Variants in ONECUT2 observed in about 807,000 individuals in gnomAD.
ONECUT2 encodes the protein one cut homeobox 2.
Under a neutral mutation model 27.9 loss-of-function variants are expected in ONECUT2, and 10 were observed. The observed-to-expected ratio is 0.36, with a 90% CI of 0.22 to 0.61. The LOEUF is 0.61. ONECUT2 is among the 20% of genes least tolerant of loss of function. The pLI, the probability that ONECUT2 is intolerant of heterozygous loss-of-function variation, is 0.73. For synonymous variants in ONECUT2, 334 were observed against 315.1 expected (o/e 1.06, Z -0.64); for missense variants, 686 against 721.0 (o/e 0.95, Z 0.56).
chr18:57,460,025 C>A (rs112816866), intron 1 of ONECUT2, among the ~76,000 whole-genome samples: 1 of 152,116 alleles, frequency 6.6e-6, no homozygotes, highest in African/African-American at 2.4e-5. Context: ...TGGGCTCAAG[C>A]GATCCTCCTA....
chr18:57,467,332 C>A, intron 1 of ONECUT2: 2 of 359,472 alleles, frequency 5.6e-6, no homozygotes, highest in Non-Finnish European at 5.5e-6. Flanking sequence ...ATTGATCATC[C>A]ACATTTCCTT....
At chr18:57,464,891 C>T (rs2050312131) in intron 1 of ONECUT2, among the ~76,000 whole-genome samples, 1 of 152,112 alleles carries the variant, frequency 6.6e-6, no homozygotes, top group Non-Finnish European at 1.5e-5. Context: ...TCTTAGTAAG[C>T]TAGAGTATGT....
chr18:57,481,911 T>C lies in ONECUT2; in HGVS notation c.*5188T>C, dbSNP rs2050417931. On this transcript the variant is annotated 3_prime_UTR_variant, in exon 2 of 2. Transcript: ENST00000491143. ...GCTGACTTTTTGTTTTTGTTGTTGC[T>C]GATGCTGTGTGATTCAGACTTCTCA... 3 of 152,242 alleles carry C rather than the reference T, an allele frequency of 2.0e-5. No homozygotes were observed. In the East Asian group the frequency reaches 5.8e-4, roughly 29 times the overall value. The allele number at this position is 152,242 out of a possible 1,614,324, so 9.4% of individuals were successfully genotyped here.
At chr18:57,455,306 C>CT (rs1296087633) in intron 1 of ONECUT2, among the ~76,000 whole-genome samples, 4 of 152,314 alleles carry the variant, frequency 2.6e-5, no homozygotes, top group Admixed American at 6.5e-5. Context: ...CCAGATGTTG[C>CT]TTTTTCTGAA....
intron 1 of ONECUT2, among the ~76,000 whole-genome samples, chr18:57,474,538 C>T (rs1373118029): frequency 6.6e-6 from 1 of 152,162 alleles, no homozygotes; most frequent in Non-Finnish European, 1.5e-5. Context: ...AAGACTTTCT[C>T]ACTGTGTCCT....
chr18:57,445,120 C>T (rs898049013), intron 1 of ONECUT2, among the ~76,000 whole-genome samples: 1 of 152,022 alleles, frequency 6.6e-6, no homozygotes, highest in Non-Finnish European at 1.5e-5. Flanking sequence ...AATTAAGCCA[C>T]CAGTTTGCTT....
chr18:57,448,906 C>T (rs540684817), intron 1 of ONECUT2, among the ~76,000 whole-genome samples: 1 of 152,262 alleles, frequency 6.6e-6, no homozygotes, highest in East Asian at 1.9e-4. Flanking sequence ...GCCATAGATC[C>T]CCAAACCTAA....
chr18:57,451,050 A>T (rs2050227421), intron 1 of ONECUT2, among the ~76,000 whole-genome samples: 1 of 152,210 alleles, frequency 6.6e-6, no homozygotes, highest in South Asian at 2.1e-4. Flanking sequence ...GAGTGAGAAC[A>T]GAGTTTATTA....
intron 1 of ONECUT2, among the ~76,000 whole-genome samples, 157 bp from the exon 2 acceptor site, chr18:57,476,280 C>T (rs1468834401): frequency 3.3e-5 from 5 of 152,348 alleles, no homozygotes; most frequent in South Asian, 4.1e-4. Context: ...TTCCATCACC[C>T]GGAGATTACA....
intron 1 of ONECUT2, among the ~76,000 whole-genome samples, chr18:57,453,856 A>G (rs2050244429): frequency 6.6e-6 from 1 of 152,164 alleles, no homozygotes; most frequent in Non-Finnish European, 1.5e-5. Flanking sequence ...TGGAAACAAG[A>G]CATAGGAACA....
chr18:57,488,040 G>A lies in ONECUT2; in HGVS notation c.*11317G>A, dbSNP rs567044348. The A allele has an allele frequency of 6.4e-4, 97 of 152,468 alleles. No homozygotes were observed. Among genetic ancestry groups the A allele is most frequent in the African/African-American group, 2.2e-3 (91 of 41,570 alleles). 9.4% of individuals were successfully genotyped at this position (152,468 alleles called of 1,614,324 possible). ...CAGCAGTCTGCTATGCAAAATATTG[G>A]AAATCACTGACAGTGTAGCATTCAT... On this transcript the variant is annotated 3_prime_UTR_variant, in exon 2 of 2. Transcript: ENST00000491143.
At chr18:57,475,160 G>A (rs544840322) in intron 1 of ONECUT2, among the ~76,000 whole-genome samples, 18 of 148,382 alleles carry the variant, frequency 1.2e-4, no homozygotes, top group South Asian at 6.4e-4. Context: ...GGGTTCAAGC[G>A]ATTCTCCTGC....
intron 1 of ONECUT2, among the ~76,000 whole-genome samples, chr18:57,443,031 C>T (rs1419876711): frequency 1.3e-5 from 2 of 152,148 alleles, no homozygotes; most frequent in Non-Finnish European, 2.9e-5. Context: ...AGACACTTCT[C>T]TTCAAAGAAG....
intron 1 of ONECUT2, among the ~76,000 whole-genome samples, chr18:57,470,067 A>G (rs1378023999): frequency 2.0e-5 from 3 of 152,224 alleles, no homozygotes. Flanking sequence ...TGGGTGATAT[A>G]AAACAATAAA....
intron 1 of ONECUT2, among the ~76,000 whole-genome samples, chr18:57,458,774 A>C (rs141130166): frequency 1.3e-5 from 2 of 152,024 alleles, no homozygotes; most frequent in South Asian, 4.2e-4. Flanking sequence ...ATGGAGATGC[A>C]CATACTGTAA....
intron 1 of ONECUT2, among the ~76,000 whole-genome samples, chr18:57,450,271 T>C (rs911244091): frequency 1.1e-4 from 17 of 152,202 alleles, no homozygotes; most frequent in African/African-American, 4.1e-4. Context: ...TCTCCAGGGT[T>C]CAATTGATTA....
intron 1 of ONECUT2, among the ~76,000 whole-genome samples, chr18:57,461,495 T>C (rs1377546417): frequency 6.6e-6 from 1 of 152,178 alleles, no homozygotes; most frequent in African/African-American, 2.4e-5. Context: ...AAACAAGAAT[T>C]CAAGTATGGG....
chr18:57,471,811 C>A (rs895807708), intron 1 of ONECUT2, among the ~76,000 whole-genome samples: 1 of 152,138 alleles, frequency 6.6e-6, no homozygotes. Flanking sequence ...GACTTCTCTT[C>A]GAGTCTTTGA....
At chr18:57,456,430 A>T (rs138638362) in intron 1 of ONECUT2, among the ~76,000 whole-genome samples, 8 of 152,368 alleles carry the variant, frequency 5.3e-5, no homozygotes, top group African/African-American at 1.7e-4. Flanking sequence ...AATCTGACAT[A>T]TACTATGGTC....
Sources: allele counts gnomAD v4.1 joint callset (sites outside exome capture counted in the v4.1 genomes callset), GRCh38; gene constraint gnomAD v4.1.1; transcripts MANE v1.5; gene names NCBI Gene and HGNC (gene_info 2026-07-23, HGNC 2026-07-21).